RASA3: variants seen among roughly 807,000 people sequenced by gnomAD.
The protein encoded by RASA3 is RAS p21 protein activator 3, also known as ras GTPase-activating protein 3.
A neutral mutation model predicts 110.0 loss-of-function variants in RASA3; 73 were observed. That is an observed-to-expected ratio of 0.66 (90% confidence interval 0.55 to 0.81). The LOEUF is 0.81. RASA3 is among the 30% of genes least tolerant of loss of function. The probability of loss-of-function intolerance (pLI) is 0.00; values close to 1 mark genes in which losing one functional copy is unlikely to be tolerated. For missense variants in RASA3, 976 were observed against 1,113.2 expected (o/e 0.88, Z 1.75); for synonymous variants, 500 against 451.4 (o/e 1.11, Z -1.37).
At chr13:113,981,520 C>T (rs904342887) in intron 23 of RASA3, among the ~76,000 whole-genome samples, 155 bp downstream of exon 23, 3 of 152,178 alleles carry the variant, frequency 2.0e-5, no homozygotes, top group African/African-American at 7.2e-5. Flanking sequence ...CACTGACTAC[C>T]GCCAGGTGCC....
intron 1 of RASA3, among the ~76,000 whole-genome samples, chr13:114,118,738 T>C (rs1406494805): frequency 6.6e-6 from 1 of 152,258 alleles, no homozygotes; most frequent in African/African-American, 2.4e-5. Context: ...CACAAATCTA[T>C]GATGAATTAT....
intron 1 of RASA3, among the ~76,000 whole-genome samples, chr13:114,078,878 C>T (rs773643324): frequency 3.5e-4 from 54 of 152,258 alleles, no homozygotes; most frequent in Non-Finnish European, 6.2e-4. Flanking sequence ...GTCGGGGCTG[C>T]CCGCAGCACC....
chr13:114,060,601 G>C (rs550571608), intron 2 of RASA3, among the ~76,000 whole-genome samples: 1 of 152,242 alleles, frequency 6.6e-6, no homozygotes, highest in Non-Finnish European at 1.5e-5. Flanking sequence ...AGGAGGTGAC[G>C]GGCCTGCGGG....
At chr13:114,024,982 G>A (rs2054001166) in intron 7 of RASA3, among the ~76,000 whole-genome samples, 1 of 152,254 alleles carries the variant, frequency 6.6e-6, no homozygotes, top group Admixed American at 6.5e-5. Flanking sequence ...AGCCAGCAGG[G>A]CCCTTGCAGC....
intron 2 of RASA3, among the ~76,000 whole-genome samples, chr13:114,061,486 T>C (rs61973906): frequency 0.017 from 2,476 of 149,610 alleles, 25 homozygotes; most frequent in Middle Eastern, 0.041. Flanking sequence ...CTGGCCAACA[T>C]GGTGAAACGC....
At chr13:114,117,381 AGC>A (rs2080300139) in intron 1 of RASA3, among the ~76,000 whole-genome samples, 2 of 84,570 alleles carry the variant, frequency 2.4e-5, no homozygotes, top group Middle Eastern at 0.01. Context: ...GTGTGAGGGG[AGC>A]ACGTGTGTGA....
In RASA3 at chr13:114,083,537, G is replaced by A. The variant is rs935306591; in HGVS notation, c.56-9700C>T. Among the ~76,000 whole-genome samples the A allele has an allele frequency of 2.8e-3, 388 of 136,384 alleles. 2 individuals carry two copies. The highest frequency in any genetic ancestry group is 8.9e-3 in the African/African-American group (338 of 38,192). The allele number at this position is 136,384 out of a possible 152,430, so 89.5% of individuals were successfully genotyped here. A position where few individuals can be genotyped will look rare whatever the true frequency, so the allele number is the denominator to read the frequency against. Reference sequence around the variant, plus strand: ...TGAGTCTGGAGTATCGACTCCCTTCGTCCTCGCGGGGAAATCACGGGGAAG... The same window carrying A: ...TGAGTCTGGAGTATCGACTCCCTTCATCCTCGCGGGGAAATCACGGGGAAG... On this transcript the variant is annotated intron_variant, in intron 1 of 23. Transcript: ENST00000334062.
At chr13:114,035,010 G>A (rs1440483561) in intron 4 of RASA3, among the ~76,000 whole-genome samples, 1 of 151,106 alleles carries the variant, frequency 6.6e-6, no homozygotes, top group Non-Finnish European at 1.5e-5. Context: ...ACGCTGACCT[G>A]AGCTTAGAGC....
At chr13:114,068,754 G>C (rs928539916) in intron 2 of RASA3, among the ~76,000 whole-genome samples, 2 of 152,186 alleles carry the variant, frequency 1.3e-5, no homozygotes, top group Non-Finnish European at 2.9e-5. Context: ...GCTCTAAAAG[G>C]TATGGATTGT....
At chr13:114,066,477 C>T (rs75269114) in intron 2 of RASA3, among the ~76,000 whole-genome samples, 2,204 of 152,276 alleles carry the variant, frequency 0.014, 135 homozygotes, top group Admixed American at 0.1. Context: ...CTCATGGGAT[C>T]CTCGGTGCGG....
At chr13:114,064,650 C>T (rs957348990) in intron 2 of RASA3, among the ~76,000 whole-genome samples, 6 of 152,214 alleles carry the variant, frequency 3.9e-5, no homozygotes, top group South Asian at 4.1e-4. Context: ...CCATCCTGTT[C>T]GGTGGCCTGT....
At chr13:114,082,584 G>A (rs949117735) in intron 1 of RASA3, among the ~76,000 whole-genome samples, 7 of 152,178 alleles carry the variant, frequency 4.6e-5, no homozygotes, top group Admixed American at 2.0e-4. Context: ...TTGATGCGCC[G>A]CACTGAGATA....
Position 114,017,108 on chromosome 13 carries a change from G to A in RASA3, c.1206+129C>T, listed in dbSNP as rs186182094. Reference sequence around the variant, plus strand: ...TAAAAGTGAATGAATCAGCATCCCCGTGGCGAGGCCAGAGGGGCCGACATT... The same window carrying A: ...TAAAAGTGAATGAATCAGCATCCCCATGGCGAGGCCAGAGGGGCCGACATT... On this transcript the variant is annotated intron_variant, in intron 12 of 23. Transcript: ENST00000334062. 36 of 777,486 alleles carry A rather than the reference G, an allele frequency of 4.6e-5. No individual in the cohort carries two copies. The African/African-American group carries it at 5.4e-4, about 12-fold the overall frequency. The allele number at this position is 777,486 out of a possible 1,614,324, so 48.2% of individuals were successfully genotyped here.
chr13:114,078,113 G>A (rs944055), intron 1 of RASA3: 316,217 of 647,770 alleles, frequency 0.49, 80,446 homozygotes, highest in African/African-American at 0.74. Context: ...TGGGGCTGCT[G>A]CAGCACGGCC....
At chr13:114,007,912 G>A (rs1255742783) in intron 17 of RASA3, among the ~76,000 whole-genome samples, 1 of 152,232 alleles carries the variant, frequency 6.6e-6, no homozygotes, top group Non-Finnish European at 1.5e-5. Flanking sequence ...CCGGTAGTGA[G>A]GAGGCTCAGG....
At chr13:114,050,278 G>A (rs898058150) in intron 3 of RASA3, among the ~76,000 whole-genome samples, 1 of 152,234 alleles carries the variant, frequency 6.6e-6, no homozygotes, top group Admixed American at 6.5e-5. Flanking sequence ...GACCCTGAAG[G>A]GGGGTCAGGT....
chr13:114,128,912 G>A (rs1399034156), intron 1 of RASA3, among the ~76,000 whole-genome samples: 1 of 152,116 alleles, frequency 6.6e-6, no homozygotes, highest in Non-Finnish European at 1.5e-5. Flanking sequence ...TTCCCGCCCT[G>A]GACCGCGGGG....
At chr13:114,026,197 G>C (rs780564024) in intron 7 of RASA3, among the ~76,000 whole-genome samples, 5 of 152,126 alleles carry the variant, frequency 3.3e-5, no homozygotes, top group African/African-American at 1.2e-4. Context: ...GTGTGTGGCC[G>C]GGCAGTGGGC....
intron 18 of RASA3, among the ~76,000 whole-genome samples, chr13:114,004,674 C>T (rs1302513116): frequency 1.3e-5 from 2 of 152,202 alleles, no homozygotes; most frequent in African/African-American, 2.4e-5. Flanking sequence ...GACGTGAGCG[C>T]TTGCACGCTG....
Sources: gnomAD v4.1 joint callset for allele counts (sites outside exome capture counted in the v4.1 genomes callset) on GRCh38, gnomAD v4.1.1 for gene constraint, MANE v1.5 for transcripts, NCBI Gene and HGNC (gene_info 2026-07-23, HGNC 2026-07-21) for gene names.